SYNPR: variants seen among roughly 807,000 people sequenced by gnomAD.
SYNPR encodes the protein synaptoporin.
Under a neutral mutation model 32.9 loss-of-function variants are expected in SYNPR, and 23 were observed. The ratio of observed to expected loss-of-function variants is 0.70; its 90% CI spans 0.50 to 0.99. The LOEUF is 0.99. SYNPR is among the 50% of genes least tolerant of loss of function. The pLI is 0.00. For missense variants in SYNPR, 318 were observed against 349.3 expected (o/e 0.91, Z 0.71); for synonymous variants, 146 against 135.9 (o/e 1.07, Z -0.52).
intron 2 of SYNPR, among the ~76,000 whole-genome samples, chr3:63,409,567 G>T (rs1327452881): frequency 6.6e-6 from 1 of 152,132 alleles, no homozygotes; most frequent in Non-Finnish European, 1.5e-5. Context: ...TGGTGGTCAA[G>T]TTCTCCTAAA....
intron 2 of SYNPR, among the ~76,000 whole-genome samples, chr3:63,426,039 C>T (rs1699887703): frequency 6.6e-6 from 1 of 152,098 alleles, no homozygotes; most frequent in African/African-American, 2.4e-5. Context: ...CCCGCCTCGA[C>T]CTCCCAAAGT....
At chr3:63,370,446 A>G (rs996913457) in intron 2 of SYNPR, among the ~76,000 whole-genome samples, 1 of 152,208 alleles carries the variant, frequency 6.6e-6, no homozygotes, top group Admixed American at 6.5e-5. Context: ...TGTGCCAATA[A>G]AGAATCTATT....
intron 1 of SYNPR, among the ~76,000 whole-genome samples, chr3:63,250,231 T>C (rs761487196): frequency 3.3e-5 from 5 of 152,146 alleles, no homozygotes; most frequent in Admixed American, 6.6e-5. Context: ...AGGTAATGGA[T>C]ATGCTAATTG....
intron 3 of SYNPR, among the ~76,000 whole-genome samples, chr3:63,540,891 TAC>T (rs34925541): frequency 0.13 from 16,503 of 122,502 alleles, 1,107 homozygotes; most frequent in Middle Eastern, 0.25. Flanking sequence ...CTATCACTCC[TAC>T]ACACACACAC....
At chr3:63,244,376 T>G (rs1366893602) in intron 1 of SYNPR, among the ~76,000 whole-genome samples, 1 of 152,078 alleles carries the variant, frequency 6.6e-6, no homozygotes, top group East Asian at 1.9e-4. Context: ...TTTCCTGCAA[T>G]ACACAACCAG....
intron 5 of SYNPR, among the ~76,000 whole-genome samples, chr3:63,613,347 A>G (rs2106909775): frequency 6.6e-6 from 1 of 152,132 alleles, no homozygotes; most frequent in East Asian, 1.9e-4. Context: ...GTAGTTAACT[A>G]ATTTATTTTG....
intron 2 of SYNPR, among the ~76,000 whole-genome samples, chr3:63,307,909 T>C (rs920883738): frequency 1.8e-4 from 27 of 151,974 alleles, no homozygotes; most frequent in Non-Finnish European, 5.9e-5. Context: ...GATATCAGAC[T>C]TGAGAAGAAC....
chr3:63,611,835 T>C (rs899942886), intron 5 of SYNPR, among the ~76,000 whole-genome samples: 1 of 152,188 alleles, frequency 6.6e-6, no homozygotes, highest in African/African-American at 2.4e-5. Context: ...TTGCCCACCT[T>C]AGGCCAGATG....
chr3:63,267,577 C>T (rs1189468367), intron 3 of SYNPR: 2 of 152,196 alleles, frequency 1.3e-5, no homozygotes, highest in African/African-American at 4.8e-5. Flanking sequence ...CTCCACCACC[C>T]CTTCTTTATT....
intron 1 of SYNPR, among the ~76,000 whole-genome samples, chr3:63,240,178 A>G (rs1201097569): frequency 6.6e-6 from 1 of 152,170 alleles, no homozygotes; most frequent in Non-Finnish European, 1.5e-5. Flanking sequence ...AAGCAGTACA[A>G]ACTGATGAGA....
At chr3:63,368,975 T>C (rs929483843) in intron 2 of SYNPR, among the ~76,000 whole-genome samples, 1 of 152,214 alleles carries the variant, frequency 6.6e-6, no homozygotes, top group Non-Finnish European at 1.5e-5. Flanking sequence ...GTACTCATGG[T>C]CTGTGTTATG....
At chr3:63,277,718 C>G (rs573273895), upstream of SYNPR, among the ~76,000 whole-genome samples, 1 of 152,142 alleles carries the variant, frequency 6.6e-6, no homozygotes, top group Non-Finnish European at 1.5e-5. Flanking sequence ...CTGGCATCCA[C>G]AGGCCAAGAT....
upstream of SYNPR, among the ~76,000 whole-genome samples, chr3:63,228,044 AG>A (rs978367799): frequency 2.6e-5 from 4 of 152,198 alleles, no homozygotes; most frequent in African/African-American, 9.6e-5. Flanking sequence ...AAGGGTTTTA[AG>A]GAAGAGGGTG....
chr3:63,608,654 A>G (rs1457925617), intron 4 of SYNPR, among the ~76,000 whole-genome samples: 1 of 152,220 alleles, frequency 6.6e-6, no homozygotes, highest in Non-Finnish European at 1.5e-5. Flanking sequence ...AACCATTAGC[A>G]GATCTGTCTA....
At chr3:63,332,824 T>C (rs969255165) in intron 2 of SYNPR, among the ~76,000 whole-genome samples, 1 of 152,160 alleles carries the variant, frequency 6.6e-6, no homozygotes, top group African/African-American at 2.4e-5. Flanking sequence ...GTCTATATTA[T>C]CCAAGAGCAT....
chr3:63,465,139 C>T (rs1315275950), intron 2 of SYNPR, among the ~76,000 whole-genome samples: 1 of 152,056 alleles, frequency 6.6e-6, no homozygotes, highest in African/African-American at 2.4e-5. Flanking sequence ...ATCTTATTGC[C>T]TAAAAAATAA....
At chr3:63,273,367 AAGT>A (rs2086552135), upstream of SYNPR, among the ~76,000 whole-genome samples, 1 of 152,164 alleles carries the variant, frequency 6.6e-6, no homozygotes, top group South Asian at 2.1e-4. Context: ...TGCATAATGG[AAGT>A]AACAGTAGTA....
intron 3 of SYNPR, among the ~76,000 whole-genome samples, chr3:63,492,110 G>A (rs1451564406): frequency 6.6e-6 from 1 of 152,086 alleles, no homozygotes; most frequent in Non-Finnish European, 1.5e-5. Flanking sequence ...AGCAACAAGA[G>A]AAAGGAGTGA....
intron 2 of SYNPR, among the ~76,000 whole-genome samples, chr3:63,256,240 G>C (rs776837885): frequency 1.3e-5 from 2 of 152,222 alleles, no homozygotes; most frequent in South Asian, 2.1e-4. Context: ...CCAGCACGCA[G>C]CTGGAGATAT....
Sources: allele counts gnomAD v4.1 joint callset (sites outside exome capture counted in the v4.1 genomes callset), GRCh38; gene constraint gnomAD v4.1.1; transcripts MANE v1.5; gene names NCBI Gene and HGNC (gene_info 2026-07-23, HGNC 2026-07-21).